CNTN4: variants seen among roughly 807,000 people sequenced by gnomAD.
CNTN4 encodes contactin-4.
Under a neutral mutation model 122.5 loss-of-function variants are expected in CNTN4, and 77 were observed. The observed-to-expected ratio is 0.63, with a 90% CI of 0.52 to 0.76. The LOEUF (loss-of-function observed/expected upper bound fraction) is 0.76. CNTN4 is among the 30% of genes least tolerant of loss of function. The pLI, the probability that CNTN4 is intolerant of heterozygous loss-of-function variation, is 0.00. For synonymous variants in CNTN4, 512 were observed against 447.0 expected (o/e 1.15, Z -1.83); for missense variants, 1,256 against 1,259.1 (o/e 1.00, Z 0.04).
At chr3:2,150,064 C>A (rs1304402784) in intron 2 of CNTN4, among the ~76,000 whole-genome samples, 1 of 150,102 alleles carries the variant, frequency 6.7e-6, no homozygotes, top group Non-Finnish European at 1.5e-5. Flanking sequence ...CATTTAAAAT[C>A]TAATATTCTA....
chr3:2,954,894 C>T (rs963882150), intron 13 of CNTN4, among the ~76,000 whole-genome samples: 10 of 152,034 alleles, frequency 6.6e-5, no homozygotes, highest in African/African-American at 1.9e-4. Flanking sequence ...AAGATTCTGA[C>T]TGTCAGAATT....
chr3:3,043,660 C>A lies in CNTN4; in HGVS notation c.2767C>A (p.Gln923Lys). The change falls in exon 23 of 25, where the codon CAA becomes AAA. Residue 923 changes from glutamine (Q) to lysine (K), a missense_variant. By Grantham distance (53) the Gln-to-Lys change is moderately conservative. Coordinates refer to ENST00000418658, the MANE Select transcript of CNTN4 (RefSeq NM_175607.3). ...SDSKIILNWD[Q>K]VKALDNESEV... is the part of the protein sequence containing the mutation. ...CTCCAAAATTATCCTGAATTGGGAT[C>A]AAGTGAAGGCCCTGGATAATGAGTC... 6.2e-7 allele frequency: 1 copy of A among 1,614,012 alleles called. No individual in the cohort carries two copies. The highest frequency in any genetic ancestry group is 8.5e-7 in the Non-Finnish European group (1 of 1,179,886).
chr3:2,696,788 A>G (rs2086058114), intron 4 of CNTN4, among the ~76,000 whole-genome samples: 1 of 152,124 alleles, frequency 6.6e-6, no homozygotes, highest in Non-Finnish European at 1.5e-5. Context: ...TATGATTCTC[A>G]TTATACTATT....
At chr3:2,487,768 C>T (rs574786963) in intron 3 of CNTN4, among the ~76,000 whole-genome samples, 3 of 152,288 alleles carry the variant, frequency 2.0e-5, no homozygotes, top group Admixed American at 6.5e-5. Context: ...CTGTCGTTTA[C>T]GCTTTCCTTT....
chr3:3,009,145 A>G (rs1696932728), intron 14 of CNTN4: 3 of 523,612 alleles, frequency 5.7e-6, no homozygotes, highest in Non-Finnish European at 7.4e-6. Context: ...ATGTTAGACT[A>G]TAAGAGTTGA....
chr3:2,161,611 A>C (rs909516983), intron 2 of CNTN4, among the ~76,000 whole-genome samples: 1 of 152,180 alleles, frequency 6.6e-6, no homozygotes, highest in Non-Finnish European at 1.5e-5. Context: ...GTCCATGATC[A>C]TATTTTTTTC....
intron 2 of CNTN4, among the ~76,000 whole-genome samples, chr3:2,307,383 C>T (rs981668091): frequency 6.6e-6 from 1 of 150,520 alleles, no homozygotes; most frequent in South Asian, 2.1e-4. Flanking sequence ...TGCAGTGGGC[C>T]GAGATTGTGC....
chr3:2,540,075 G>C (rs2077972779), intron 3 of CNTN4, among the ~76,000 whole-genome samples: 1 of 151,378 alleles, frequency 6.6e-6, no homozygotes, highest in Non-Finnish European at 1.5e-5. Flanking sequence ...AGTGTTGTGT[G>C]TGTGTGTGTG....
intron 6 of CNTN4, among the ~76,000 whole-genome samples, chr3:2,804,068 C>T (rs1433702818): frequency 8.1e-4 from 7 of 8,694 alleles, no homozygotes; most frequent in Non-Finnish European, 7.4e-3. Flanking sequence ...TATGTCTGCA[C>T]ACACACACAC....
intron 4 of CNTN4, among the ~76,000 whole-genome samples, chr3:2,599,319 G>A (rs1236331560): frequency 6.6e-6 from 1 of 152,186 alleles, no homozygotes; most frequent in South Asian, 2.1e-4. Context: ...CTGGTAAATG[G>A]TGAAGAAAGA....
At chr3:2,396,500 T>C (rs62245707) in intron 3 of CNTN4, among the ~76,000 whole-genome samples, 27,623 of 152,040 alleles carry the variant, frequency 0.18, 3,143 homozygotes, top group Middle Eastern at 0.27. Context: ...CTCCCACATT[T>C]TGTACTTTGC....
chr3:2,605,294 A>C (rs2081211734), intron 4 of CNTN4, among the ~76,000 whole-genome samples: 1 of 152,200 alleles, frequency 6.6e-6, no homozygotes, highest in Non-Finnish European at 1.5e-5. Flanking sequence ...TCTGCTAAAC[A>C]TTTTGAGAAG....
intron 4 of CNTN4, among the ~76,000 whole-genome samples, chr3:2,600,008 CTTT>C (rs71058630): frequency 4.8e-5 from 2 of 41,756 alleles, no homozygotes; most frequent in African/African-American, 2.4e-4. Context: ...TGGAATTCTT[CTTT>C]TTTTTTTTTT....
intron 2 of CNTN4, among the ~76,000 whole-genome samples, chr3:2,248,121 C>T (rs796892535): frequency 3.3e-5 from 5 of 151,982 alleles, no homozygotes; most frequent in African/African-American, 1.2e-4. Flanking sequence ...AAAGTAAGAA[C>T]CTATAAAAGT....
At chr3:2,629,084 T>TC (rs1342300508) in intron 4 of CNTN4, among the ~76,000 whole-genome samples, 1 of 152,064 alleles carries the variant, frequency 6.6e-6, no homozygotes, top group Non-Finnish European at 1.5e-5. Context: ...AGACTGAATG[T>TC]CCCCCCTCAA....
chr3:2,363,000 G>T (rs1245986594), intron 3 of CNTN4, among the ~76,000 whole-genome samples: 1 of 151,800 alleles, frequency 6.6e-6, no homozygotes, highest in Non-Finnish European at 1.5e-5. Context: ...TATTTTTCAT[G>T]TATCTGCTGA....
chr3:3,053,548 C>T (rs1701481232), intron 23 of CNTN4, among the ~76,000 whole-genome samples: 1 of 152,178 alleles, frequency 6.6e-6, no homozygotes, highest in South Asian at 2.1e-4. Flanking sequence ...TCAACTGAGC[C>T]TCCGAGAGGC....
At chr3:2,658,289 C>CT (rs1303707312) in intron 4 of CNTN4, among the ~76,000 whole-genome samples, 1 of 151,696 alleles carries the variant, frequency 6.6e-6, no homozygotes, top group Non-Finnish European at 1.5e-5. Context: ...CCCTGTTTTC[C>CT]TTTTTTCTTC....
rs1411657551 is a variant in CNTN4 at position 3,057,260 on chromosome 3, A to T, written c.*1040A>T. The T allele has an allele frequency of 1.3e-5, 2 of 152,622 alleles. No individual in the cohort carries two copies. Among genetic ancestry groups the T allele is most frequent in the Non-Finnish European group, 2.9e-5 (2 of 68,032 alleles). The allele number at this position is 152,622 out of a possible 1,614,324, so 9.5% of individuals were successfully genotyped here. ...TCTTTTGAATCAAAATTACATATGGACTTTGGAAGATTGCTCCTATTTCAA... is the reference window on the plus strand; with the variant it reads ...TCTTTTGAATCAAAATTACATATGGTCTTTGGAAGATTGCTCCTATTTCAA... On this transcript the variant is annotated 3_prime_UTR_variant, in exon 25 of 25. Coordinates refer to ENST00000418658, the MANE Select transcript of CNTN4 (RefSeq NM_175607.3).
Sources: gnomAD v4.1 joint callset for allele counts (sites outside exome capture counted in the v4.1 genomes callset) on GRCh38, gnomAD v4.1.1 for gene constraint, MANE v1.5 for transcripts, NCBI Gene and HGNC (gene_info 2026-07-23, HGNC 2026-07-21) for gene names.